ANK3: variants seen among roughly 807,000 people sequenced by gnomAD.
ANK3 encodes ankyrin 3.
ANK3 carries 57 observed loss-of-function variants against 370.9 expected under a neutral mutation model. That is an observed-to-expected ratio of 0.15 (90% CI 0.12 to 0.19). ANK3 has a LOEUF of 0.19. Among genes scored for constraint, ANK3 ranks in the 10% least tolerant of loss-of-function variants. ANK3 has a pLI of 1.00. For synonymous variants in ANK3, 1,929 were observed against 1,946.3 expected (o/e 0.99, Z 0.23); for missense variants, 4,439 against 5,302.1 (o/e 0.84, Z 5.06).
chr10:60,425,182 C>T (rs2063857456), intron 2 of ANK3, among the ~76,000 whole-genome samples: 1 of 152,010 alleles, frequency 6.6e-6, no homozygotes, highest in Non-Finnish European at 1.5e-5. Context: ...GGTAGGAAGG[C>T]TGCATTGTTC....
chr10:60,331,038 G>A (rs572136111), intron 1 of ANK3, among the ~76,000 whole-genome samples: 1 of 151,548 alleles, frequency 6.6e-6, no homozygotes, highest in South Asian at 2.1e-4. Flanking sequence ...AACACTGCAT[G>A]TTCTCACTCA....
chr10:60,272,778 T>A (rs74879718), intron 4 of ANK3, among the ~76,000 whole-genome samples: 6 of 149,420 alleles, frequency 4.0e-5, no homozygotes, highest in South Asian at 4.2e-4. Context: ...ACACCCACCT[T>A]TTTTTTTTTA....
At chr10:60,471,672 C>T (rs1290025171) in intron 2 of ANK3, among the ~76,000 whole-genome samples, 2 of 152,130 alleles carry the variant, frequency 1.3e-5, no homozygotes, top group East Asian at 3.9e-4. Context: ...GCCAAATTGC[C>T]TTTCAAGAAT....
intron 1 of ANK3, among the ~76,000 whole-genome samples, chr10:60,335,712 G>T (rs896815036): frequency 2.6e-5 from 4 of 152,132 alleles, no homozygotes; most frequent in African/African-American, 9.7e-5. Context: ...GGTATGGCAG[G>T]ACATCATCCA....
At chr10:60,602,263 C>G (rs572720653) in intron 2 of ANK3, among the ~76,000 whole-genome samples, 27 of 152,278 alleles carry the variant, frequency 1.8e-4, no homozygotes, top group Admixed American at 1.6e-3. Context: ...ACAGCCTCTT[C>G]AGATGAAATT....
rs147868875 is a variant in ANK3 at position 60,566,678 on chromosome 10, G to A, written c.96+48508C>T. On this transcript the variant is annotated intron_variant, in intron 2 of 43. Transcript: ENST00000373827. ...GCTCGAGGCCAGTAATTAAAGACCCGTGTGGGCAACATTGTGAGACCTCAT... is the reference window on the plus strand; with the variant it reads ...GCTCGAGGCCAGTAATTAAAGACCCATGTGGGCAACATTGTGAGACCTCAT... Among the ~76,000 whole-genome samples, 952 of 152,186 alleles carry A rather than the reference G, an allele frequency of 6.3e-3. 3 individuals carry two copies. Among genetic ancestry groups the A allele is most frequent in the Middle Eastern group, 0.024 (7 of 294 alleles).
intron 42 of ANK3, among the ~76,000 whole-genome samples, chr10:60,047,618 C>T (rs893570572): frequency 3.9e-5 from 6 of 152,132 alleles, no homozygotes; most frequent in African/African-American, 1.4e-4. Flanking sequence ...TTTGAACTGC[C>T]TGAGTTAGCA....
At chr10:60,503,142 A>ACC (rs961040686) in intron 2 of ANK3, among the ~76,000 whole-genome samples, 2 of 152,162 alleles carry the variant, frequency 1.3e-5, no homozygotes, top group African/African-American at 2.4e-5. Flanking sequence ...CTGCTCTTTA[A>ACC]ACTTTTTAAA....
chr10:60,288,152 G>A (rs1401062317), intron 1 of ANK3, among the ~76,000 whole-genome samples: 2 of 152,008 alleles, frequency 1.3e-5, no homozygotes, highest in Non-Finnish European at 2.9e-5. Flanking sequence ...TAACAGTAAT[G>A]CCCGGCTAGT....
chr10:60,125,028 A>G (rs1349340131), intron 25 of ANK3, among the ~76,000 whole-genome samples: 1 of 152,192 alleles, frequency 6.6e-6, no homozygotes, highest in East Asian at 1.9e-4. Flanking sequence ...AATAGATAGT[A>G]GTAGGTTTAA....
intron 1 of ANK3, among the ~76,000 whole-genome samples, chr10:60,373,701 C>A (rs2060395401): frequency 6.6e-6 from 1 of 152,166 alleles, no homozygotes; most frequent in Non-Finnish European, 1.5e-5. Flanking sequence ...GTTTTAGAGA[C>A]AGGTGGCATG....
intron 1 of ANK3, among the ~76,000 whole-genome samples, chr10:60,713,473 A>T (rs1467635263): frequency 2.6e-5 from 4 of 152,202 alleles, no homozygotes; most frequent in Non-Finnish European, 5.9e-5. Context: ...CTTAGAGGGA[A>T]ATTTATAGTA....
intron 2 of ANK3, among the ~76,000 whole-genome samples, chr10:60,496,669 TC>T (rs1171194865): frequency 6.6e-6 from 1 of 150,874 alleles, no homozygotes; most frequent in Non-Finnish European, 1.5e-5. Flanking sequence ...CAAAGTACTT[TC>T]TGTCCAAGAT....
intron 1 of ANK3, among the ~76,000 whole-genome samples, chr10:60,712,077 G>A (rs2079717804): frequency 6.6e-6 from 1 of 152,196 alleles, no homozygotes; most frequent in African/African-American, 2.4e-5. Flanking sequence ...TAAGCACAGT[G>A]GCATATGCCT....
chr10:60,048,857 C>A (rs1434993629), intron 42 of ANK3, among the ~76,000 whole-genome samples: 2 of 152,190 alleles, frequency 1.3e-5, no homozygotes, highest in African/African-American at 4.8e-5. Context: ...TATCTCCAAT[C>A]TTCAGTTCTG....
chr10:60,080,763 C>T (rs2085010356), intron 35 of ANK3, 145 bp from the exon 36 acceptor site: 1 of 750,276 alleles, frequency 1.3e-6, no homozygotes. Flanking sequence ...ATTTTGTAAC[C>T]CCACCCCCCA....
At chr10:60,301,594 G>C (rs547520765) in intron 1 of ANK3, among the ~76,000 whole-genome samples, 56 of 151,922 alleles carry the variant, frequency 3.7e-4, no homozygotes, top group African/African-American at 1.3e-3. Context: ...TGTATTTTTA[G>C]TAAGGACGGG....
At chr10:60,220,008 G>A (rs752163259) in intron 8 of ANK3, among the ~76,000 whole-genome samples, 1 of 152,082 alleles carries the variant, frequency 6.6e-6, no homozygotes, top group Non-Finnish European at 1.5e-5. Context: ...CCAAAGTAAA[G>A]CAGCCTTTCA....
chr10:60,071,422 T>C lies in ANK3; in HGVS notation c.9459A>G (p.Leu3153=), dbSNP rs2082664540. 1.2e-6 allele frequency: 2 copies of C among 1,614,054 alleles called. No homozygotes were observed. Among genetic ancestry groups the C allele is most frequent in the Admixed American group, 1.7e-5 (1 of 59,990 alleles). The change falls in exon 37 of 44, where the codon CTA becomes CTG. Residue 3153 remains leucine (L), a synonymous_variant. Transcript: ENST00000280772. ...AGCTGTCTAGAAAGGATACTTGCTCTAGAGTATCATCTTCTGGACTACCTT... is the reference window on the plus strand; with the variant it reads ...AGCTGTCTAGAAAGGATACTTGCTCCAGAGTATCATCTTCTGGACTACCTT... The part of the protein sequence containing the change: ...SPQGSPEDDT[L]EQVSFLDSSG...
Sources: allele counts gnomAD v4.1 joint callset (sites outside exome capture counted in the v4.1 genomes callset), GRCh38; gene constraint gnomAD v4.1.1; transcripts MANE v1.5; gene names NCBI Gene and HGNC (gene_info 2026-07-23, HGNC 2026-07-21).